The following LYPD6 variants were observed in gnomAD, a reference collection of about 807,000 sequenced individuals.
LYPD6 encodes the protein ly6/PLAUR domain-containing protein 6.
Under a neutral mutation model 22.7 loss-of-function variants are expected in LYPD6, and 15 were observed. The ratio of observed to expected loss-of-function variants is 0.66; its 90% CI spans 0.44 to 1.02. The LOEUF (loss-of-function observed/expected upper bound fraction) is 1.02. Among genes scored for constraint, LYPD6 ranks in the 50% least tolerant of loss-of-function variants. The pLI is 0.00. For synonymous variants in LYPD6, 72 were observed against 77.5 expected, an observed-to-expected ratio of 0.93 and a Z score of 0.37; for missense variants, 189 against 208.4, an observed-to-expected ratio of 0.91 and a Z score of 0.57.
At position 149,362,866 on chromosome 2, in the gene LYPD6, G is replaced by A. The variant is rs140926464; in HGVS notation, c.-72+32144G>A. On this transcript the variant is annotated intron_variant, in intron 1 of 4. Transcript: ENST00000334166. The stretch of plus-strand genomic sequence containing the variant: ...GCATGGGAGATTAAGTTTTCAACAC[G>A]TGCAATTTGGGGGATACTTTCAACT... Among the ~76,000 whole-genome samples the A allele has an allele frequency of 4.4e-4, 67 of 152,214 alleles. No homozygotes were observed. The East Asian group carries it at 0.011, about 26-fold the overall frequency.
intron 1 of LYPD6, among the ~76,000 whole-genome samples, chr2:149,371,895 AGG>A (rs1681818290): frequency 6.6e-6 from 1 of 151,962 alleles, no homozygotes; most frequent in Admixed American, 6.6e-5. Flanking sequence ...GATCTGAGGG[AGG>A]GGTATTGGAC....
chr2:149,334,509 C>T (rs1005110373), intron 1 of LYPD6, among the ~76,000 whole-genome samples: 2 of 152,164 alleles, frequency 1.3e-5, no homozygotes, highest in African/African-American at 4.8e-5. Flanking sequence ...ATATTCCAGA[C>T]CTAATCAGCA....
At chr2:149,381,532 G>A (rs1403770965) in intron 1 of LYPD6, among the ~76,000 whole-genome samples, 1 of 152,112 alleles carries the variant, frequency 6.6e-6, no homozygotes. Context: ...AGATTTTTTA[G>A]TGAAGTCAGA....
chr2:149,395,455 CT>C (rs1682409425), intron 1 of LYPD6, among the ~76,000 whole-genome samples: 1 of 151,470 alleles, frequency 6.6e-6, no homozygotes, highest in African/African-American at 2.4e-5. Flanking sequence ...TTTTCTTTTC[CT>C]TTTTAATGAC....
chr2:149,478,354 GAATTCACCCTTTGGT>G (rs1681473528), downstream of LYPD6, among the ~76,000 whole-genome samples: 1 of 151,344 alleles, frequency 6.6e-6, no homozygotes, highest in African/African-American at 2.4e-5. Flanking sequence ...AGAAGACAGG[GAATTCACCCTTTGGT>G]ATATAGAGGT....
At chr2:149,361,002 C>A (rs1178750259) in intron 1 of LYPD6, among the ~76,000 whole-genome samples, 1 of 152,124 alleles carries the variant, frequency 6.6e-6, no homozygotes. Context: ...TTCCTCTGTT[C>A]TTTATAGTTC....
intron 1 of LYPD6, among the ~76,000 whole-genome samples, chr2:149,410,211 A>G (rs558016010): frequency 1.4e-4 from 22 of 152,310 alleles, no homozygotes; most frequent in African/African-American, 5.1e-4. Context: ...TTTTATAAAA[A>G]TTCCTTTTTT....
At chr2:149,365,423 T>G (rs1681641685) in intron 1 of LYPD6, among the ~76,000 whole-genome samples, 1 of 152,230 alleles carries the variant, frequency 6.6e-6, no homozygotes, top group South Asian at 2.1e-4. Flanking sequence ...TGATTTCAAG[T>G]TCAGAGTTTC....
chr2:149,460,173 T>G (rs940801187), intron 3 of LYPD6, among the ~76,000 whole-genome samples: 1 of 152,188 alleles, frequency 6.6e-6, no homozygotes, highest in African/African-American at 2.4e-5. Flanking sequence ...AAAATTTGTC[T>G]TACCATATCA....
intron 1 of LYPD6, among the ~76,000 whole-genome samples, chr2:149,430,604 GA>G (rs1272903216): frequency 1.3e-5 from 2 of 152,188 alleles, no homozygotes; most frequent in Non-Finnish European, 2.9e-5. Context: ...TGTGATCTTT[GA>G]GGCTTCAGAA....
At chr2:149,419,429 C>G (rs1185554936) in intron 1 of LYPD6, among the ~76,000 whole-genome samples, 1 of 152,190 alleles carries the variant, frequency 6.6e-6, no homozygotes, top group Non-Finnish European at 1.5e-5. Context: ...ACTCTACTGT[C>G]CAGTACTGTA....
chr2:149,356,953 A>G (rs1681461167), intron 1 of LYPD6, among the ~76,000 whole-genome samples: 1 of 152,224 alleles, frequency 6.6e-6, no homozygotes, highest in Non-Finnish European at 1.5e-5. Flanking sequence ...TTTTAGGCTG[A>G]GAAAGTTTTC....
the LYPD6 span, among the ~76,000 whole-genome samples, chr2:149,483,509 G>T: frequency 6.6e-6 from 1 of 152,062 alleles, no homozygotes; most frequent in African/African-American, 2.4e-5. Flanking sequence ...CTGACTCACT[G>T]GTCAAGAATT....
At chr2:149,365,168 C>T (rs1681637488) in intron 1 of LYPD6, among the ~76,000 whole-genome samples, 1 of 152,156 alleles carries the variant, frequency 6.6e-6, no homozygotes, top group South Asian at 2.1e-4. Context: ...AATCTTTTGC[C>T]CATGCAAAGC....
Position 149,358,900 on chromosome 2 carries a change from TTGC to T in LYPD6, c.-72+28180_-72+28182del, listed in dbSNP as rs1182719994. Among the ~76,000 whole-genome samples, 4 of 152,158 alleles carry T rather than the reference TTGC, an allele frequency of 2.6e-5. No individual in the cohort carries two copies. The East Asian group carries it at 7.7e-4, about 29-fold the overall frequency. ...CTTGTGTCCTCTCCATTGAGAATTATTGCTATGGGCAGTGGAAACCACTGAGTT... is the reference window on the plus strand; with the variant it reads ...CTTGTGTCCTCTCCATTGAGAATTATTATGGGCAGTGGAAACCACTGAGTT... On this transcript the variant is annotated intron_variant, in intron 1 of 4. Transcript: ENST00000334166.
At chr2:149,474,361 A>T (rs1681414881), downstream of LYPD6, among the ~76,000 whole-genome samples, 1 of 151,844 alleles carries the variant, frequency 6.6e-6, no homozygotes, top group South Asian at 2.1e-4. Context: ...GTGCCACCAC[A>T]CCTGGCTAGG....
rs199787821 is a variant in LYPD6 at position 149,435,208 on chromosome 2, TC to T, written c.-71-2428del. On this transcript the variant is annotated intron_variant, in intron 1 of 4. Transcript: ENST00000334166. ...CTTGCCGACACCTTGATCTTGGACT[TC>T]CTAGCTTCCAGAACTGTGAGAAATC... Among the ~76,000 whole-genome samples, 1,231 of 152,300 alleles carry T rather than the reference TC, an allele frequency of 8.1e-3. 9 individuals are homozygous for T. Among genetic ancestry groups the T allele is most frequent in the African/African-American group, 0.029 (1,189 of 41,552 alleles).
intron 1 of LYPD6, among the ~76,000 whole-genome samples, chr2:149,389,838 C>T (rs1169942450): frequency 1.3e-5 from 2 of 152,032 alleles, no homozygotes; most frequent in Non-Finnish European, 2.9e-5. Context: ...GACCCCAAGC[C>T]CTCTCTCTCT....
intron 1 of LYPD6, among the ~76,000 whole-genome samples, chr2:149,342,923 A>T (rs182494450): frequency 2.0e-5 from 3 of 152,278 alleles, no homozygotes; most frequent in East Asian, 1.9e-4. Context: ...GTACAAAAAA[A>T]TTTTTCTCAC....
Sources: allele counts gnomAD v4.1 joint callset (sites outside exome capture counted in the v4.1 genomes callset), GRCh38; gene constraint gnomAD v4.1.1; transcripts MANE v1.5; gene names NCBI Gene and HGNC (gene_info 2026-07-23, HGNC 2026-07-21).